The following MYBBP1A variants were observed in gnomAD, a reference collection of about 807,000 sequenced individuals.
MYBBP1A encodes MYB binding protein 1a.
In MYBBP1A, 147 loss-of-function variants were observed where a neutral mutation model predicts 136.3. The ratio of observed to expected loss-of-function variants is 1.08; its 90% CI spans 0.94 to 1.24. MYBBP1A has a LOEUF of 1.24. Among genes scored for constraint, MYBBP1A ranks in the 50% most tolerant of loss-of-function variants. The pLI is 0.00. For synonymous variants in MYBBP1A, 947 were observed against 735.8 expected, an observed-to-expected ratio of 1.29 and a Z score of -4.65; for missense variants, 2,060 against 1,727.4, an observed-to-expected ratio of 1.19 and a Z score of -3.41.
In MYBBP1A at chr17:4,541,704, T is replaced by A. The variant is rs1906449820; in HGVS notation, c.3195+80A>T. ...TCCCGACTCTGGACTCAGGCTCCAA[T>A]CCTCACTTCTTTCCCAGAGATCGGT... On this transcript the variant is annotated intron_variant, in intron 23 of 25. Transcript: ENST00000254718. 4.7e-6 allele frequency: 7 copies of A among 1,473,836 alleles called. No individual in the cohort carries two copies. In the Admixed American group the frequency reaches 1.2e-4, roughly 25 times the overall value. The allele number at this position is 1,473,836 out of a possible 1,614,324, so 91.3% of individuals were successfully genotyped here. A position where few individuals can be genotyped will look rare whatever the true frequency, so the allele number is the denominator to read the frequency against.
At chr17:4,543,814 T>G (rs779508113) in intron 19 of MYBBP1A, among the ~76,000 whole-genome samples, 20 of 152,094 alleles carry the variant, frequency 1.3e-4, no homozygotes, top group Non-Finnish European at 2.6e-4. Context: ...GCCCTCTGCC[T>G]CCAGCACAGC....
Position 4,542,744 on chromosome 17 carries a change from A to C in MYBBP1A, c.2893-3T>G. On this transcript the variant is annotated splice_region_variant and splice_polypyrimidine_tract_variant and intron_variant, in intron 20 of 25. Transcript: ENST00000254718. ...TTCAAGTCCAAGCAGCTGGCAGCCTAGGCCAGGGGAGAGCGAGCTGGGTGA... is the reference window on the plus strand; with the variant it reads ...TTCAAGTCCAAGCAGCTGGCAGCCTCGGCCAGGGGAGAGCGAGCTGGGTGA... The C allele has an allele frequency of 6.2e-7, 1 of 1,613,588 alleles. No individual in the cohort carries two copies.
Position 4,545,058 on chromosome 17 carries a change from G to T in MYBBP1A, c.2278C>A (p.Leu760Met), listed in dbSNP as rs775335820. 5.2e-6 allele frequency: 8 copies of T among 1,529,894 alleles called. No homozygotes were observed. In the East Asian group the frequency reaches 2.0e-4, roughly 38 times the overall value. The allele number at this position is 1,529,894 out of a possible 1,614,324, so 94.8% of individuals were successfully genotyped here. ...TTCCCAGCCTGCAGCACGGTCATCA[G>T]CTGTTCCCGGAAGCCCTGATCCACG... is the stretch of plus-strand genomic sequence containing the variant. Reference protein sequence around the residue: ...GDVDQGFREQLMTVLQAGKAL... With the variant: ...GDVDQGFREQMMTVLQAGKAL... The change falls in exon 17 of 26, where the codon CTG becomes ATG. Residue 760 changes from leucine (L) to methionine (M), a missense_variant. Physicochemically the swap from Leu to Met is conservative, Grantham distance 15. Coordinates refer to ENST00000254718, the MANE Select transcript of MYBBP1A (RefSeq NM_014520.4).
intron 13 of MYBBP1A, among the ~76,000 whole-genome samples, chr17:4,547,380 C>A (rs558400657): frequency 6.6e-6 from 1 of 152,170 alleles, no homozygotes; most frequent in Non-Finnish European, 1.5e-5. Context: ...TCGTGGCCAA[C>A]CTTTCCCCAA....
Position 4,552,930 on chromosome 17 carries a change from T to C in MYBBP1A, c.562-304A>G, listed in dbSNP as rs1907662870. On this transcript the variant is annotated intron_variant, in intron 5 of 25. Coordinates refer to ENST00000254718, the MANE Select transcript of MYBBP1A (RefSeq NM_014520.4). This position sits in a 1 kb window ranked among gnomAD's most constrained non-coding sequence, Gnocchi z 4.7. ...CTCACTGCAACCTCCGCCTCCCAGG[T>C]TGAAGCAATTCTCCTGCCTCAGGTG... Among the ~76,000 whole-genome samples the C allele has an allele frequency of 6.6e-6, 1 of 151,876 alleles. No individual in the cohort carries two copies. The highest frequency in any genetic ancestry group is 1.5e-5 in the Non-Finnish European group (1 of 67,966).
chr17:4,546,429 G>A (rs903321542), intron 13 of MYBBP1A, among the ~76,000 whole-genome samples: 3 of 152,060 alleles, frequency 2.0e-5, no homozygotes, highest in African/African-American at 7.2e-5. Flanking sequence ...CCAGCTAGCT[G>A]ACGGCTTTTT....
In MYBBP1A at chr17:4,545,933, C is replaced by T. The variant is rs78265875; in HGVS notation, c.1834G>A (p.Glu612Lys). The T allele has an allele frequency of 2.7e-3, 4,326 of 1,613,030 alleles. 146 individuals carry two copies. The East Asian group carries it at 0.077, about 29-fold the overall frequency. ...VGIHLLKSPA[E>K]SCDLLGDIQT... ...ATGTCACCCAGCAGGTCACAGCTCT[C>T]TGCAGGGGACTGCGGGCAGGGTAGG... The change falls in exon 14 of 26, where the codon GAG (glutamate) becomes AAG (lysine). Residue 612 changes from glutamate (E) to lysine (K), a missense_variant. Transcript: ENST00000254718.
Position 4,551,987 on chromosome 17 carries a change from A to G in MYBBP1A, c.916T>C (p.Phe306Leu), listed in dbSNP as rs948641462. The G allele has an allele frequency of 2.5e-6, 4 of 1,609,108 alleles. No individual in the cohort carries two copies. The highest frequency in any genetic ancestry group is 3.4e-6 in the Non-Finnish European group (4 of 1,176,546). ...MQFWPASYLCFRLLGAALPLL... is the reference protein window; with the variant it reads ...MQFWPASYLCLRLLGAALPLL... ...GGCAGGGCCGCGCCCAGCAGGCGGA[A>G]ACACAGGTAGCTAAAGGGGGTGCAG... Residue 306 changes from phenylalanine to leucine, a missense_variant, in exon 8 of 26, where the codon TTC becomes CTC. Phe to Leu is a conservative substitution (Grantham distance 22, BLOSUM62 0). Coordinates refer to ENST00000254718, the MANE Select transcript of MYBBP1A (RefSeq NM_014520.4).
At chr17:4,545,370 C>T (rs1170931141) in intron 15 of MYBBP1A, 25 bp from the exon 16 acceptor site, 1 of 1,611,854 alleles carries the variant, frequency 6.2e-7, no homozygotes, top group East Asian at 2.2e-5. Flanking sequence ...CAGCCACTGA[C>T]CCATTTGCAG....
At position 4,545,592 on chromosome 17, in the gene MYBBP1A, CCA is replaced by C. The variant is rs766119374; in HGVS notation, c.2073+16_2073+17del. ...GTGAGCCCCAGCCCACATTCCACTC[CCA>C]AAGGTCCCAACTCACATCCAGAATT... is the stretch of plus-strand genomic sequence containing the variant. On this transcript the variant is annotated intron_variant, in intron 15 of 25. Transcript: ENST00000254718. 25 of 1,561,980 alleles carry C rather than the reference CCA, an allele frequency of 1.6e-5. No homozygotes were observed. Among genetic ancestry groups the C allele is most frequent in the Non-Finnish European group, 1.9e-5 (22 of 1,150,588 alleles).
chr17:4,552,385 A>G lies in MYBBP1A; in HGVS notation c.737+66T>C. Reference sequence around the variant, plus strand: ...GGGACACCCCCAGGCCAAACGACAAATCTGGGCCTGGCCAGATGCAGTCCC... The same window carrying G: ...GGGACACCCCCAGGCCAAACGACAAGTCTGGGCCTGGCCAGATGCAGTCCC... On this transcript the variant is annotated intron_variant, in intron 6 of 25. Transcript: ENST00000254718. This position sits in a 1 kb window ranked among gnomAD's most constrained non-coding sequence, Gnocchi z 4.7. 1 of 1,602,908 alleles carries G rather than the reference A, an allele frequency of 6.2e-7. No individual in the cohort carries two copies. Among genetic ancestry groups the G allele is most frequent in the East Asian group, 2.2e-5 (1 of 44,740 alleles).
At chr17:4,553,631 C>A (rs1907737767) in intron 5 of MYBBP1A, among the ~76,000 whole-genome samples, 179 bp downstream of exon 5, 1 of 152,234 alleles carries the variant, frequency 6.6e-6, no homozygotes, top group Non-Finnish European at 1.5e-5. Context: ...TCAAATGTCA[C>A]TAAATGTTAC....
In MYBBP1A at chr17:4,554,906, G is replaced by C. The variant is rs912812170; in HGVS notation, c.249C>G (p.Val83=). 1 of 1,613,520 alleles carries C rather than the reference G, an allele frequency of 6.2e-7. No homozygotes were observed. The highest frequency in any genetic ancestry group is 1.7e-5 in the Admixed American group (1 of 60,022). The change falls in exon 2 of 26, where the codon GTC becomes GTG. Residue 83 remains valine (V), a synonymous_variant. Coordinates refer to ENST00000254718, the MANE Select transcript of MYBBP1A (RefSeq NM_014520.4). The stretch of plus-strand genomic sequence containing the variant: ...AGCAGGGCCGGGCTGTTTCTCGCCC[G>C]ACCCCGAGTCCCGTGATTAGACGCT... ...ALKRLITGLG[V]GRETARPCYS... is the part of the protein sequence containing the mutation.
intron 4 of MYBBP1A, 47 bp downstream of exon 4, chr17:4,553,972 C>T (rs1907774904): frequency 3.1e-6 from 5 of 1,613,614 alleles, no homozygotes; most frequent in Non-Finnish European, 3.4e-6. Context: ...TGTCCCCCAC[C>T]CATCCCAAGC....
At chr17:4,541,943 C>A (rs375774349) in intron 22 of MYBBP1A, 52 bp from the exon 23 acceptor site, 2 of 1,482,718 alleles carry the variant, frequency 1.3e-6, no homozygotes, top group South Asian at 2.3e-5. Context: ...TGGGTGCTCA[C>A]GGCTCAGGGA....
rs574277551 is a variant in MYBBP1A, at chr17:4,545,117, C to T, written c.2219G>A (p.Gly740Glu). Residue 740 changes from glycine (G) to glutamate (E), a missense_variant, in exon 17 of 26, where the codon GGG becomes GAG. Transcript: ENST00000254718. ...RSSESEEESE[G>E]EESEEEERDG... Reference sequence around the variant, plus strand: ...GCGCTCCTCCTCCTCGCTCTCCTCCCCCTCGCTCTCCTCTTCACTCTCTGA... The same window carrying T: ...GCGCTCCTCCTCCTCGCTCTCCTCCTCCTCGCTCTCCTCTTCACTCTCTGA... 2.5e-6 allele frequency: 4 copies of T among 1,609,992 alleles called. No individual in the cohort carries two copies. Among genetic ancestry groups the T allele is most frequent in the African/African-American group, 1.3e-5 (1 of 74,660 alleles).
At chr17:4,549,310 G>C (rs532627618) in intron 10 of MYBBP1A, 22 bp downstream of exon 10, 1 of 1,603,830 alleles carries the variant, frequency 6.2e-7, no homozygotes, top group African/African-American at 1.3e-5. Context: ...ATGGGAAGCT[G>C]GGAATCCAGC....
In MYBBP1A at chr17:4,551,871, A is replaced by C. The variant is rs3816686; in HGVS notation, c.1023+9T>G. The C allele has an allele frequency of 6.8e-6, 11 of 1,610,192 alleles. No individual in the cohort carries two copies. Among genetic ancestry groups the C allele is most frequent in the Admixed American group, 3.3e-5 (2 of 59,916 alleles). Reference sequence around the variant, plus strand: ...TCTGGCAGTGTCGAGCTGCACGGGCATTACCCACCTTAGCAGTGCACACGT... The same window carrying C: ...TCTGGCAGTGTCGAGCTGCACGGGCCTTACCCACCTTAGCAGTGCACACGT... On this transcript the variant is annotated intron_variant, in intron 8 of 25. Transcript: ENST00000254718.
chr17:4,549,912 C>T, intron 9 of MYBBP1A, 146 bp downstream of exon 9: 1 of 809,354 alleles, frequency 1.2e-6, no homozygotes. Context: ...TAAACTGAGG[C>T]CTCATATGAG....
Sources: allele counts gnomAD v4.1 joint callset (sites outside exome capture counted in the v4.1 genomes callset), GRCh38; gene constraint gnomAD v4.1.1; non-coding constraint Gnocchi (gnomAD v3.1); transcripts MANE v1.5; gene names NCBI Gene and HGNC (gene_info 2026-07-23, HGNC 2026-07-21).